BICRA: variants seen among roughly 807,000 people sequenced by gnomAD.
BICRA encodes the protein BRD4-interacting chromatin-remodeling complex-associated protein.
Under a neutral mutation model 96.9 loss-of-function variants are expected in BICRA, and 31 were observed. That is an observed-to-expected ratio of 0.32 (90% CI 0.24 to 0.43). The LOEUF (loss-of-function observed/expected upper bound fraction) is 0.43. Among genes scored for constraint, BICRA ranks in the 20% least tolerant of loss-of-function variants. The probability of loss-of-function intolerance (pLI) is 1.00; values close to 1 mark genes in which losing one functional copy is unlikely to be tolerated. For missense variants in BICRA, 2,283 were observed against 2,190.3 expected, an observed-to-expected ratio of 1.04 and a Z score of -0.84; for synonymous variants, 1,350 against 1,071.8, an observed-to-expected ratio of 1.26 and a Z score of -5.07.
intron 1 of BICRA, among the ~76,000 whole-genome samples, chr19:47,667,237 G>C (rs11083888): frequency 0.065 from 9,894 of 152,046 alleles, 768 homozygotes; most frequent in East Asian, 0.39. Flanking sequence ...CAATGGTCTC[G>C]ATCTCCTGAC....
At chr19:47,696,866 G>A (rs1274962021) in intron 11 of BICRA, among the ~76,000 whole-genome samples, 1 of 151,638 alleles carries the variant, frequency 6.6e-6, no homozygotes, top group Non-Finnish European at 1.5e-5. Context: ...AAGTGAGTGG[G>A]TGGACATGGC....
intron 1 of BICRA, among the ~76,000 whole-genome samples, chr19:47,649,608 C>T (rs1471981494): frequency 6.6e-6 from 1 of 152,136 alleles, no homozygotes; most frequent in East Asian, 1.9e-4. Flanking sequence ...TGATATCCTA[C>T]TAATGGAATA....
chr19:47,691,221 A>G (rs908317303), intron 7 of BICRA, among the ~76,000 whole-genome samples: 3 of 152,276 alleles, frequency 2.0e-5, no homozygotes, highest in Non-Finnish European at 4.4e-5. Context: ...AGGGCAGCAC[A>G]TGACACACAG....
chr19:47,640,669 G>A (rs947109394), intron 1 of BICRA, among the ~76,000 whole-genome samples: 1 of 152,114 alleles, frequency 6.6e-6, no homozygotes, highest in Admixed American at 6.6e-5. Context: ...CTGGCGGTGT[G>A]GGTGGTCATT....
chr19:47,696,190 G>A (rs1056453680), intron 10 of BICRA, among the ~76,000 whole-genome samples: 4 of 152,086 alleles, frequency 2.6e-5, no homozygotes, highest in African/African-American at 9.7e-5. Context: ...AGCCCTGGGC[G>A]AGGGGACGGA....
intron 1 of BICRA, among the ~76,000 whole-genome samples, chr19:47,627,156 CCT>C (rs1161957573): frequency 6.6e-6 from 1 of 152,212 alleles, no homozygotes; most frequent in Non-Finnish European, 1.5e-5. Context: ...TGAGGCACAG[CCT>C]CTCTTTCTCC....
At chr19:47,684,548 G>C (rs527707469) in intron 7 of BICRA, among the ~76,000 whole-genome samples, 1 of 152,240 alleles carries the variant, frequency 6.6e-6, no homozygotes, top group African/African-American at 2.4e-5. Flanking sequence ...TCAAACTCCT[G>C]ACCTCAGGTG....
intron 1 of BICRA, among the ~76,000 whole-genome samples, chr19:47,634,707 C>G (rs1310870015): frequency 6.6e-6 from 1 of 151,942 alleles, no homozygotes; most frequent in African/African-American, 2.4e-5. Context: ...CCCACCTGGG[C>G]CAGATACTTT....
At chr19:47,667,000 A>G (rs1374989415) in intron 1 of BICRA, among the ~76,000 whole-genome samples, 1 of 151,442 alleles carries the variant, frequency 6.6e-6, no homozygotes, top group African/African-American at 2.4e-5. Flanking sequence ...CTCCCCAGGA[A>G]GTTCCCGTTC....
intron 1 of BICRA, among the ~76,000 whole-genome samples, chr19:47,625,145 G>A (rs564345155): frequency 1.3e-5 from 2 of 151,630 alleles, no homozygotes; most frequent in Non-Finnish European, 2.9e-5. Context: ...GATTACAGGC[G>A]TGAGCCACCA....
chr19:47,696,814 C>T (rs900716992), intron 11 of BICRA, among the ~76,000 whole-genome samples: 32 of 150,726 alleles, frequency 2.1e-4, no homozygotes, highest in Non-Finnish European at 4.1e-4. Flanking sequence ...TGGGCCGCGT[C>T]GGTGCTGAGC....
rs932438220 is a variant in BICRA, at chr19:47,702,695, A to G, written c.*280A>G. ...TTCCTGTTTCTTCCCATTTCCTGGC[A>G]CACTCTGCCCCTCTGTCCGGGGGAC... is the stretch of plus-strand genomic sequence containing the variant. On this transcript the variant is annotated 3_prime_UTR_variant, in exon 15 of 15. Coordinates refer to ENST00000594866, the MANE Select transcript of BICRA (RefSeq NM_001394372.1). 8.4e-6 allele frequency: 4 copies of G among 476,560 alleles called. No individual in the cohort carries two copies. The highest frequency in any genetic ancestry group is 5.4e-4 in the Middle Eastern group (1 of 1,856). 29.5% of individuals were successfully genotyped at this position (476,560 alleles called of 1,614,324 possible).
chr19:47,650,634 A>C (rs1050146033), intron 1 of BICRA, among the ~76,000 whole-genome samples: 1 of 152,122 alleles, frequency 6.6e-6, no homozygotes, highest in Non-Finnish European at 1.5e-5. Flanking sequence ...TTGCTCTGAG[A>C]GGGAGGTGTG....
chr19:47,685,232 C>T (rs1417811386), intron 7 of BICRA, among the ~76,000 whole-genome samples: 2 of 152,060 alleles, frequency 1.3e-5, no homozygotes, highest in African/African-American at 4.8e-5. Flanking sequence ...GTAATCCTCC[C>T]ACCTTGGCTT....
At chr19:47,644,474 ACCCCTT>A (rs1388691556) in intron 1 of BICRA, among the ~76,000 whole-genome samples, 1 of 48,134 alleles carries the variant, frequency 2.1e-5, no homozygotes, top group Non-Finnish European at 3.7e-5. Context: ...CCCTTTCCCT[ACCCCTT>A]CCCCTTCCCC....
intron 1 of BICRA, among the ~76,000 whole-genome samples, chr19:47,621,036 A>G (rs1972058111): frequency 6.6e-6 from 1 of 151,768 alleles, no homozygotes; most frequent in Non-Finnish European, 1.5e-5. Context: ...CTCACTCCCT[A>G]AGTGCTGTTC....
At position 47,702,157 on chromosome 19, in the gene BICRA, C is replaced by G. The variant is rs753655936; in HGVS notation, c.4425C>G (p.Arg1475=). The G allele has an allele frequency of 1.1e-5, 17 of 1,563,082 alleles. No individual in the cohort carries two copies. The Admixed American group carries it at 2.9e-4, about 27-fold the overall frequency. Residue 1475 remains arginine (R), a synonymous_variant, in exon 15 of 15, where the codon CGC becomes CGG. Transcript: ENST00000594866. ...EAPGLPPAKR[R]KSESPDVDQA... ...CCGGGCTGCCCCCTGCCAAGCGGCG[C>G]AAGTCCGAGTCGCCCGACGTGGACC...
chr19:47,695,538 G>A (rs1599867166), intron 10 of BICRA, 64 bp downstream of exon 10: 1 of 776,894 alleles, frequency 1.3e-6, no homozygotes, highest in East Asian at 2.7e-5. Context: ...GGGAACTGGG[G>A]CTGGCAGGGG....
At chr19:47,654,464 C>A (rs928477263) in intron 1 of BICRA, among the ~76,000 whole-genome samples, 6 of 151,772 alleles carry the variant, frequency 4.0e-5, no homozygotes, top group African/African-American at 1.5e-4. Context: ...GTGGGTTGTT[C>A]CCAGTATCTT....
Sources: gnomAD v4.1 joint callset for allele counts (sites outside exome capture counted in the v4.1 genomes callset) on GRCh38, gnomAD v4.1.1 for gene constraint, MANE v1.5 for transcripts, NCBI Gene and HGNC (gene_info 2026-07-23, HGNC 2026-07-21) for gene names.